RBFOX3: variants seen among roughly 807,000 people sequenced by gnomAD.
RBFOX3 encodes the protein RNA binding fox-1 homolog 3.
A neutral mutation model predicts 48.7 loss-of-function variants in RBFOX3; 17 were observed. That is an observed-to-expected ratio of 0.35 (90% CI 0.24 to 0.52). RBFOX3 has a LOEUF of 0.52. RBFOX3 is among the 20% of genes least tolerant of loss of function. The probability of loss-of-function intolerance (pLI) is 0.94; values close to 1 mark genes in which losing one functional copy is unlikely to be tolerated. For synonymous variants in RBFOX3, 212 were observed against 209.5 expected (o/e 1.01, Z -0.10); for missense variants, 382 against 497.5 (o/e 0.77, Z 2.21).
chr17:79,238,645 C>T (rs1253009212), intron 3 of RBFOX3, among the ~76,000 whole-genome samples: 4 of 152,246 alleles, frequency 2.6e-5, no homozygotes, highest in Non-Finnish European at 5.9e-5. Flanking sequence ...CCACCCCATC[C>T]AACCCAGCTT....
chr17:79,589,238 TG>T (rs1395448342), intron 1 of RBFOX3, among the ~76,000 whole-genome samples: 9,907 of 152,260 alleles, frequency 0.065, 441 homozygotes, highest in South Asian at 0.12. Context: ...CGTCTGAGTC[TG>T]GGTGTGGACT....
intron 1 of RBFOX3, among the ~76,000 whole-genome samples, chr17:79,587,025 A>T (rs1024258147): frequency 6.6e-6 from 1 of 152,256 alleles, no homozygotes; most frequent in Non-Finnish European, 1.5e-5. Flanking sequence ...GCTGCTACAG[A>T]TGCAGAAACT....
chr17:79,509,707 C>T (rs2083814743), intron 1 of RBFOX3, among the ~76,000 whole-genome samples: 1 of 151,864 alleles, frequency 6.6e-6, no homozygotes, highest in East Asian at 1.9e-4. Flanking sequence ...GCCGTCGCAC[C>T]CCAGGCCCTC....
At chr17:79,105,796 G>A (rs562236773) in intron 6 of RBFOX3, among the ~76,000 whole-genome samples, 12 of 152,260 alleles carry the variant, frequency 7.9e-5, no homozygotes, top group South Asian at 2.1e-4. Context: ...GCAGGCAGGC[G>A]GAAGAGAAGT....
chr17:79,475,787 T>C (rs62062820), intron 2 of RBFOX3, among the ~76,000 whole-genome samples: 6,264 of 152,230 alleles, frequency 0.041, 173 homozygotes, highest in South Asian at 0.076. Flanking sequence ...GGACTGACAG[T>C]GCATCTATAA....
At chr17:79,163,099 TG>T (rs1332862346) in intron 4 of RBFOX3, among the ~76,000 whole-genome samples, 3 of 152,132 alleles carry the variant, frequency 2.0e-5, no homozygotes, top group African/African-American at 7.2e-5. Flanking sequence ...TGGTTCAAGC[TG>T]GGGGAGAAAA....
chr17:79,337,193 G>A (rs1018563632), intron 2 of RBFOX3, among the ~76,000 whole-genome samples: 34 of 152,016 alleles, frequency 2.2e-4, no homozygotes, highest in African/African-American at 8.0e-4. Flanking sequence ...ACGTCATCTT[G>A]GCTCCTCCTA....
chr17:79,285,623 C>A (rs987571396), intron 3 of RBFOX3, among the ~76,000 whole-genome samples: 2 of 152,158 alleles, frequency 1.3e-5, no homozygotes, highest in Non-Finnish European at 2.9e-5. Flanking sequence ...ACTGACAGTG[C>A]CAGAAACCAC....
Position 79,421,585 on chromosome 17 carries a change from G to A in RBFOX3, c.-175+60869C>T, listed in dbSNP as rs913081522. On this transcript the variant is annotated intron_variant, in intron 2 of 14. Coordinates refer to ENST00000693108, the MANE Select transcript of RBFOX3 (RefSeq NM_001350451.2). This position sits in a 1 kb window ranked among gnomAD's most constrained non-coding sequence, Gnocchi z 4.5. ...CCCATGCTGGCATTGGGTGACAGGA[G>A]GGGGCCCCAGAAGTTGAGGACACAA... Among the ~76,000 whole-genome samples the A allele has an allele frequency of 1.3e-5, 2 of 152,158 alleles. No individual in the cohort carries two copies. Among genetic ancestry groups the A allele is most frequent in the African/African-American group, 2.4e-5 (1 of 41,424 alleles).
intron 4 of RBFOX3, among the ~76,000 whole-genome samples, chr17:79,188,849 C>T (rs545540545): frequency 2.0e-5 from 3 of 152,372 alleles, no homozygotes; most frequent in Admixed American, 6.5e-5. Flanking sequence ...TTGGAAGCTG[C>T]GGCCCTGGAA....
intron 3 of RBFOX3, among the ~76,000 whole-genome samples, chr17:79,301,997 G>C (rs1402534345): frequency 6.6e-6 from 1 of 152,188 alleles, no homozygotes; most frequent in Non-Finnish European, 1.5e-5. Flanking sequence ...AATGGGGACA[G>C]AGTTTCAGCT....
chr17:79,202,048 T>C (rs563993407), intron 4 of RBFOX3, among the ~76,000 whole-genome samples: 1 of 152,190 alleles, frequency 6.6e-6, no homozygotes, highest in East Asian at 1.9e-4. Context: ...GACACATATC[T>C]CTGGAATCTC....
At chr17:79,090,977 G>C in intron 14 of RBFOX3, 92 bp from the exon 15 acceptor site, 1 of 1,341,768 alleles carries the variant, frequency 7.5e-7, no homozygotes, top group Non-Finnish European at 1.0e-6. Context: ...CGGGGCCCCT[G>C]GCCTAAAGTC....
At chr17:79,136,848 C>A (rs2040324538) in intron 4 of RBFOX3, among the ~76,000 whole-genome samples, 1 of 152,142 alleles carries the variant, frequency 6.6e-6, no homozygotes, top group South Asian at 2.1e-4. Flanking sequence ...CAGCCACTTC[C>A]TAGGAGATAG....
intron 2 of RBFOX3, among the ~76,000 whole-genome samples, chr17:79,349,845 C>T (rs953110975): frequency 7.2e-5 from 11 of 151,802 alleles, no homozygotes; most frequent in South Asian, 2.1e-4. Flanking sequence ...ATCACCAGGA[C>T]GGAATGGGTT....
At position 79,356,348 on chromosome 17, in the gene RBFOX3, G is replaced by GTTTTTTTTTTTTTTTTTT. The variant is rs58040659; in HGVS notation, c.-174-48542_-174-48525dup. On this transcript the variant is annotated intron_variant, in intron 2 of 14. Transcript: ENST00000693108. Reference sequence around the variant, plus strand: ...ACTTTTTCACTTTTAAAACAGGGAAGTTTTTTTTTTTTTTTTTTTTTTTTT... The same window carrying GTTTTTTTTTTTTTTTTTT: ...ACTTTTTCACTTTTAAAACAGGGAAGTTTTTTTTTTTTTTTTTTTTTTTTTTTTTTTTTTTTTTTTTTT... Among the ~76,000 whole-genome samples, 28 of 47,332 alleles carry GTTTTTTTTTTTTTTTTTT rather than the reference G, an allele frequency of 5.9e-4. 4 individuals carry two copies. The highest frequency in any genetic ancestry group is 1.0e-3 in the Non-Finnish European group (25 of 24,442). The allele number at this position is 47,332 out of a possible 152,430, so 31.1% of individuals were successfully genotyped here.
chr17:79,247,182 C>A (rs970219935), intron 3 of RBFOX3, among the ~76,000 whole-genome samples: 1 of 152,224 alleles, frequency 6.6e-6, no homozygotes, highest in Middle Eastern at 3.4e-3. Context: ...GTCTGTGGAG[C>A]CCACGGGAGC....
At chr17:79,506,805 G>A (rs1340902763) in intron 1 of RBFOX3, among the ~76,000 whole-genome samples, 3 of 152,308 alleles carry the variant, frequency 2.0e-5, no homozygotes, top group South Asian at 2.1e-4. Flanking sequence ...AGCGGCGGCC[G>A]CTTCCGGCAG....
intron 2 of RBFOX3, among the ~76,000 whole-genome samples, chr17:79,468,196 A>T (rs1417084537): frequency 6.6e-6 from 1 of 152,186 alleles, no homozygotes; most frequent in Non-Finnish European, 1.5e-5. Flanking sequence ...TCCAAAATCA[A>T]CTTCACAATA....
Sources: gnomAD v4.1 joint callset for allele counts (sites outside exome capture counted in the v4.1 genomes callset) on GRCh38, gnomAD v4.1.1 for gene constraint, Gnocchi (gnomAD v3.1) non-coding constraint, MANE v1.5 for transcripts, NCBI Gene and HGNC (gene_info 2026-07-23, HGNC 2026-07-21) for gene names.